Variants in GDAP1L1 observed in about 807,000 individuals in gnomAD.
The protein encoded by GDAP1L1 is ganglioside induced differentiation associated protein 1 like 1.
Under a neutral mutation model 37.1 loss-of-function variants are expected in GDAP1L1, and 21 were observed. That is an observed-to-expected ratio of 0.57 (90% CI 0.40 to 0.81). The LOEUF is 0.81. Ranked by LOEUF, GDAP1L1 falls within the 40% of genes least tolerant of loss-of-function variation. The pLI is 0.00. For synonymous variants in GDAP1L1, 193 were observed against 209.1 expected (o/e 0.92, Z 0.67); for missense variants, 362 against 491.6 (o/e 0.74, Z 2.49).
chr20:44,249,513 C>T lies in GDAP1L1; in HGVS notation c.180+1999C>T, dbSNP rs539790941. Reference sequence around the variant, plus strand: ...CCTTCAGAGTCTAGAACTTCCTCCCCGCTAGAACCTCAGGAAGTGGGCCCC... The same window carrying T: ...CCTTCAGAGTCTAGAACTTCCTCCCTGCTAGAACCTCAGGAAGTGGGCCCC... On this transcript the variant is annotated intron_variant, in intron 1 of 5. Transcript: ENST00000342560. Among the ~76,000 whole-genome samples, 209 of 152,290 alleles carry T rather than the reference C, an allele frequency of 1.4e-3. 1 individual carries two copies. The highest frequency in any genetic ancestry group is 4.5e-3 in the African/African-American group (189 of 41,558).
chr20:44,270,450 G>A (rs910320805), intron 5 of GDAP1L1, among the ~76,000 whole-genome samples: 9 of 152,172 alleles, frequency 5.9e-5, no homozygotes, highest in Non-Finnish European at 8.8e-5. Flanking sequence ...GATTACAGGC[G>A]TGAGCCACCG....
chr20:44,258,490 C>T lies in GDAP1L1; in HGVS notation c.430C>T (p.Gln144Ter), dbSNP rs2073607839. Reference protein sequence around the residue: ...VGSLQHARVLQYRELLDALPM... With the variant: ...VGSLQHARVL ...CAGCCTGCAGCACGCACGGGTGCTGCAGTACCGGGAGCTGCTGGACGCACT... is the reference window on the plus strand; with the variant it reads ...CAGCCTGCAGCACGCACGGGTGCTGTAGTACCGGGAGCTGCTGGACGCACT... The change falls in exon 3 of 6, where the codon CAG becomes TAG. Residue 144 changes from glutamine (Q) to a stop codon, truncating the protein, a stop_gained. Transcript: ENST00000342560. LOFTEE classifies it high-confidence loss of function. 6.4e-7 allele frequency: 1 copy of T among 1,559,662 alleles called. No homozygotes were observed. Among genetic ancestry groups the T allele is most frequent in the Non-Finnish European group, 8.7e-7 (1 of 1,152,328 alleles).
chr20:44,263,179 G>C, intron 3 of GDAP1L1, 51 bp from the exon 4 acceptor site: 1 of 1,443,234 alleles, frequency 6.9e-7, no homozygotes, highest in South Asian at 1.1e-5. Context: ...CAGGTGATGG[G>C]GGAGCAACCA....
chr20:44,256,534 G>A lies in GDAP1L1; in HGVS notation c.181-619G>A, dbSNP rs546646983. Among the ~76,000 whole-genome samples the A allele has an allele frequency of 3.0e-4, 46 of 152,172 alleles. No individual in the cohort carries two copies. In the South Asian group the frequency reaches 9.6e-3, roughly 32 times the overall value. ...AAAATACAAAAATTAGCTGGGTGTA[G>A]TGGTGACAGCCTGTAGTCGGGAGGC... is the stretch of plus-strand genomic sequence containing the variant. On this transcript the variant is annotated intron_variant, in intron 1 of 5. Coordinates refer to ENST00000342560, the MANE Select transcript of GDAP1L1 (RefSeq NM_024034.6).
At chr20:44,274,179 A>G (rs1600564730) in intron 5 of GDAP1L1, among the ~76,000 whole-genome samples, 1 of 152,088 alleles carries the variant, frequency 6.6e-6, no homozygotes, top group African/African-American at 2.4e-5. Flanking sequence ...TTTAAAACCA[A>G]TCCCTTCCCT....
rs2073731342 is a variant in GDAP1L1, at chr20:44,264,570, G to T, written c.760+11G>T. 6.2e-7 allele frequency: 1 copy of T among 1,609,668 alleles called. No individual in the cohort carries two copies. Among genetic ancestry groups the T allele is most frequent in the Non-Finnish European group, 8.5e-7 (1 of 1,177,672 alleles). On this transcript the variant is annotated intron_variant, in intron 5 of 5. Coordinates refer to ENST00000342560, the MANE Select transcript of GDAP1L1 (RefSeq NM_024034.6). ...AGCTGGAGAACGAGGGTGGGTGCCA[G>T]CCCTGGGGGAGGTGGGGGCTGCAGC...
At position 44,279,307 on chromosome 20, in the gene GDAP1L1, G is replaced by C. The variant is rs561095097; in HGVS notation, c.*7G>C. 23 of 1,574,858 alleles carry C rather than the reference G, an allele frequency of 1.5e-5. No homozygotes were observed. The highest frequency in any genetic ancestry group is 6.8e-5 in the Admixed American group (4 of 59,246). On this transcript the variant is annotated 3_prime_UTR_variant, in exon 6 of 6. Transcript: ENST00000342560. ...CAAGAAAAAATACATCTAGGGCCAG[G>C]CCTGGGGCTTGGTGTCTGACTGTCG...
intron 5 of GDAP1L1, among the ~76,000 whole-genome samples, chr20:44,272,657 AGAG>A (rs1403725594): frequency 3.3e-5 from 5 of 152,096 alleles, no homozygotes; most frequent in Admixed American, 1.3e-4. Context: ...AGAGGAGAAG[AGAG>A]GAGAACAGGG....
At chr20:44,267,700 A>C (rs73107770) in intron 5 of GDAP1L1, among the ~76,000 whole-genome samples, 1 of 152,130 alleles carries the variant, frequency 6.6e-6, no homozygotes, top group Non-Finnish European at 1.5e-5. Context: ...AAATGCATGT[A>C]AGGGGCTTAG....
chr20:44,258,339 G>A (rs1344658381), intron 2 of GDAP1L1, 95 bp from the exon 3 acceptor site: 2 of 1,252,406 alleles, frequency 1.6e-6, no homozygotes, highest in East Asian at 2.5e-5. Flanking sequence ...AGGGCCTCTG[G>A]GCAGAGACAT....
chr20:44,247,149 G>T (rs1218148446), upstream of GDAP1L1: 2 of 632,464 alleles, frequency 3.2e-6, no homozygotes, highest in African/African-American at 3.7e-5. Flanking sequence ...CGGGCCAGGG[G>T]GAGGAGGAGA....
Position 44,257,269 on chromosome 20 carries a change from C to T in GDAP1L1, c.297C>T (p.Pro99=), listed in dbSNP as rs749217882. Residue 99 remains proline, a synonymous_variant, in exon 2 of 6, where the codon CCC becomes CCT. Transcript: ENST00000342560. Reference sequence around the variant, plus strand: ...GGCTCAACCTGGGCGAGGAGGTGCCCGTCATCATCCACCGCGACAACATCA... The same window carrying T: ...GGCTCAACCTGGGCGAGGAGGTGCCTGTCATCATCCACCGCGACAACATCA... ...FMRLNLGEEV[P]VIIHRDNIIS... 9 of 1,613,856 alleles carry T rather than the reference C, an allele frequency of 5.6e-6. No individual in the cohort carries two copies. Among genetic ancestry groups the T allele is most frequent in the South Asian group, 2.2e-5 (2 of 91,028 alleles).
chr20:44,256,322 C>A lies in GDAP1L1; in HGVS notation c.181-831C>A, dbSNP rs147735166. ...ACTAATGTTGGCAAGTTACTTTTCC[C>A]CTCACTTAGTACCCCAAATAATTTG... is the stretch of plus-strand genomic sequence containing the variant. On this transcript the variant is annotated intron_variant, in intron 1 of 5. Coordinates refer to ENST00000342560, the MANE Select transcript of GDAP1L1 (RefSeq NM_024034.6). Among the ~76,000 whole-genome samples the A allele has an allele frequency of 4.9e-3, 753 of 152,244 alleles. 4 individuals carry two copies. Among genetic ancestry groups the A allele is most frequent in the African/African-American group, 0.017 (703 of 41,518 alleles).
chr20:44,259,975 A>C (rs77598602), intron 3 of GDAP1L1, among the ~76,000 whole-genome samples: 3,127 of 152,314 alleles, frequency 0.021, 58 homozygotes, highest in Non-Finnish European at 0.033. Context: ...GAACTAAGTG[A>C]GTTTGAATGC....
At chr20:44,274,847 C>T (rs1279992589) in intron 5 of GDAP1L1, among the ~76,000 whole-genome samples, 1 of 152,192 alleles carries the variant, frequency 6.6e-6, no homozygotes, top group East Asian at 1.9e-4. Context: ...TAACTCCCAA[C>T]TCATTATCTC....
At chr20:44,256,464 G>T (rs1210406147) in intron 1 of GDAP1L1, among the ~76,000 whole-genome samples, 1 of 152,164 alleles carries the variant, frequency 6.6e-6, no homozygotes, top group Non-Finnish European at 1.5e-5. Context: ...GAGGTCAGGA[G>T]TTGAAGACCA....
chr20:44,269,018 C>T (rs1367317081), intron 5 of GDAP1L1, among the ~76,000 whole-genome samples: 1 of 152,124 alleles, frequency 6.6e-6, no homozygotes, highest in Non-Finnish European at 1.5e-5. Context: ...ATGGGCTGGG[C>T]TCAGCTGGGA....
chr20:44,256,173 ATC>A (rs1456701798), intron 1 of GDAP1L1, among the ~76,000 whole-genome samples: 1 of 152,130 alleles, frequency 6.6e-6, no homozygotes, highest in Non-Finnish European at 1.5e-5. Context: ...ATTACTTGCC[ATC>A]TCTGGGCTTT....
chr20:44,278,205 G>C (rs886563420), intron 5 of GDAP1L1, among the ~76,000 whole-genome samples: 1 of 151,336 alleles, frequency 6.6e-6, no homozygotes, highest in Non-Finnish European at 1.5e-5. Context: ...TGGTGGTTCC[G>C]AGGCTTTTGG....
Sources: gnomAD v4.1 joint callset for allele counts (sites outside exome capture counted in the v4.1 genomes callset) on GRCh38, gnomAD v4.1.1 for gene constraint, MANE v1.5 for transcripts, NCBI Gene and HGNC (gene_info 2026-07-23, HGNC 2026-07-21) for gene names.